Variants in CCDC7 observed in about 807,000 individuals in gnomAD.
CCDC7 encodes coiled-coil domain containing 7.
CCDC7 carries 183 observed loss-of-function variants against 196.9 expected under a neutral mutation model. The observed-to-expected ratio is 0.93, with a 90% CI of 0.82 to 1.05. CCDC7 has a LOEUF of 1.05. Among genes scored for constraint, CCDC7 ranks in the 50% least tolerant of loss-of-function variants. The pLI is 0.00. For missense variants in CCDC7, 1,540 were observed against 1,482.2 expected, an observed-to-expected ratio of 1.04 and a Z score of -0.64; for synonymous variants, 525 against 484.6, an observed-to-expected ratio of 1.08 and a Z score of -1.10.
intron 16 of CCDC7, among the ~76,000 whole-genome samples, chr10:32,576,900 C>T (rs1438444685): frequency 1.3e-5 from 2 of 152,100 alleles, no homozygotes; most frequent in Non-Finnish European, 2.9e-5. Flanking sequence ...CAAGACTATA[C>T]TGGAGATGAT....
intron 39 of CCDC7, 136 bp from the exon 41 acceptor site, chr10:32,851,671 T>C: frequency 1.2e-6 from 1 of 805,326 alleles, no homozygotes. Flanking sequence ...AGTCTATGTA[T>C]CCTTTCAGTT....
intron 13 of CCDC7, among the ~76,000 whole-genome samples, chr10:32,545,720 A>G (rs1831772): frequency 0.13 from 20,368 of 151,952 alleles, 1,602 homozygotes; most frequent in African/African-American, 0.23. Flanking sequence ...AGCCTGGCCA[A>G]CACGGCAAAA....
intron 20 of CCDC7, among the ~76,000 whole-genome samples, chr10:32,638,152 G>A (rs748256331): frequency 1.3e-5 from 2 of 152,136 alleles, no homozygotes; most frequent in African/African-American, 2.4e-5. Context: ...GGGTTTTCTA[G>A]ATATACAATC....
chr10:32,595,037 T>G (rs2060177571), intron 18 of CCDC7, among the ~76,000 whole-genome samples: 1 of 152,222 alleles, frequency 6.6e-6, no homozygotes, highest in Non-Finnish European at 1.5e-5. Flanking sequence ...CTGCTAGGCT[T>G]TGGTATCAGG....
chr10:32,858,261 C>T (rs1426200856), intron 41 of CCDC7, among the ~76,000 whole-genome samples: 4 of 152,260 alleles, frequency 2.6e-5, no homozygotes, highest in Middle Eastern at 6.8e-3. Flanking sequence ...CCAAAAAAAT[C>T]GCACTAGAAG....
intron 37 of CCDC7, 101 bp downstream of exon 38, chr10:32,846,560 T>C: frequency 3.1e-6 from 2 of 653,510 alleles, no homozygotes; most frequent in East Asian, 2.7e-5. Flanking sequence ...TACATGTTAG[T>C]GTTACATAGG....
chr10:32,639,624 G>A (rs1590954474), intron 20 of CCDC7, among the ~76,000 whole-genome samples: 1 of 142,834 alleles, frequency 7.0e-6, no homozygotes, highest in African/African-American at 2.6e-5. Flanking sequence ...TATAATTTCT[G>A]TTCTGTTTTT....
intron 41 of CCDC7, among the ~76,000 whole-genome samples, chr10:32,867,960 T>TAGA (rs2094266858): frequency 6.6e-6 from 1 of 151,912 alleles, no homozygotes; most frequent in African/African-American, 2.4e-5. Flanking sequence ...ATCATTCTAC[T>TAGA]TTTTGTCTCT....
chr10:32,600,665 T>C (rs1302497549), intron 18 of CCDC7, among the ~76,000 whole-genome samples: 1 of 152,174 alleles, frequency 6.6e-6, no homozygotes, highest in South Asian at 2.1e-4. Flanking sequence ...AATGACAAAA[T>C]TACATCTTTA....
chr10:32,759,902 AAAAC>A (rs1369944481), intron 28 of CCDC7, among the ~76,000 whole-genome samples: 8 of 152,238 alleles, frequency 5.3e-5, no homozygotes, highest in East Asian at 1.9e-4. Flanking sequence ...TTGCAAGAAA[AAAAC>A]AAACAACCCC....
chr10:32,859,863 GA>G (rs2093908666), intron 41 of CCDC7, among the ~76,000 whole-genome samples: 1 of 152,146 alleles, frequency 6.6e-6, no homozygotes, highest in South Asian at 2.1e-4. Flanking sequence ...ACTAAACCAG[GA>G]AGAGGTCGAA....
chr10:32,672,008 C>T (rs1009512653), intron 21 of CCDC7, among the ~76,000 whole-genome samples: 4 of 152,108 alleles, frequency 2.6e-5, no homozygotes, highest in East Asian at 1.9e-4. Context: ...CTCTTGGTTC[C>T]GGGTCTGACT....
intron 29 of CCDC7, among the ~76,000 whole-genome samples, chr10:32,804,487 C>A (rs1026921417): frequency 6.6e-6 from 1 of 152,030 alleles, no homozygotes; most frequent in African/African-American, 2.4e-5. Flanking sequence ...TTAAAGTTAA[C>A]CTAAAAATCA....
intron 18 of CCDC7, among the ~76,000 whole-genome samples, chr10:32,589,984 T>C (rs753659214): frequency 5.9e-5 from 9 of 152,218 alleles, no homozygotes; most frequent in East Asian, 3.9e-4. Context: ...CAACCAATCA[T>C]TGGATATTGA....
At chr10:32,673,430 A>G (rs990597807) in intron 21 of CCDC7, among the ~76,000 whole-genome samples, 1 of 151,970 alleles carries the variant, frequency 6.6e-6, no homozygotes, top group South Asian at 2.1e-4. Context: ...TTTCCATTTT[A>G]ATTTCTTTCA....
intron 8 of CCDC7, among the ~76,000 whole-genome samples, chr10:32,491,544 C>G (rs1330028224): frequency 1.3e-5 from 2 of 152,136 alleles, no homozygotes; most frequent in African/African-American, 4.8e-5. Flanking sequence ...ATGCTATAGT[C>G]CCTCTGATAT....
intron 8 of CCDC7, among the ~76,000 whole-genome samples, chr10:32,488,717 C>G (rs1462382390): frequency 1.3e-5 from 2 of 152,156 alleles, no homozygotes; most frequent in Non-Finnish European, 2.9e-5. Context: ...TATTGTTTTT[C>G]TGATTTTTGT....
At chr10:32,445,471 A>G (rs541313987), upstream of CCDC7, among the ~76,000 whole-genome samples, 1 of 152,336 alleles carries the variant, frequency 6.6e-6, no homozygotes, top group Admixed American at 6.5e-5. Flanking sequence ...CATCTTTCCT[A>G]TTCCTTTCAT....
chr10:32,673,654 C>CGTGTGTGTGTGTGT (rs71027102), intron 21 of CCDC7, among the ~76,000 whole-genome samples: 1,702 of 147,978 alleles, frequency 0.012, 36 homozygotes, highest in African/African-American at 0.038. Flanking sequence ...CCATTGTGCA[C>CGTGTGTGTGTGTGT]GTGTGTGTGT....
Sources: gnomAD v4.1 joint callset for allele counts (sites outside exome capture counted in the v4.1 genomes callset) on GRCh38, gnomAD v4.1.1 for gene constraint, MANE v1.5 for transcripts, NCBI Gene and HGNC (gene_info 2026-07-23, HGNC 2026-07-21) for gene names.